The following CCDC73 variants were observed in gnomAD, a reference collection of about 807,000 sequenced individuals.
CCDC73 encodes coiled-coil domain containing 73, also known as coiled-coil domain-containing protein 73.
In CCDC73, 95 loss-of-function variants were observed where a neutral mutation model predicts 116.5. That is an observed-to-expected ratio of 0.82 (90% CI 0.69 to 0.97). The LOEUF (loss-of-function observed/expected upper bound fraction) is 0.97, where lower values mean the gene tolerates loss of function less well. Among genes scored for constraint, CCDC73 ranks in the 50% least tolerant of loss-of-function variants. CCDC73 has a pLI of 0.00. For missense variants in CCDC73, 1,066 were observed against 1,206.8 expected (o/e 0.88, Z 1.73); for synonymous variants, 398 against 401.3 (o/e 0.99, Z 0.10).
intron 2 of CCDC73, among the ~76,000 whole-genome samples, chr11:32,741,655 T>G (rs554125467): frequency 1.6e-3 from 247 of 151,988 alleles, no homozygotes; most frequent in African/African-American, 5.7e-3. Flanking sequence ...ATGTTCTTTA[T>G]GTATTTATAT....
chr11:32,732,060 G>C (rs1381756710), intron 2 of CCDC73, among the ~76,000 whole-genome samples: 2 of 152,200 alleles, frequency 1.3e-5, no homozygotes, highest in Non-Finnish European at 1.5e-5. Flanking sequence ...AGACAGCACA[G>C]AGAAGACCTT....
intron 2 of CCDC73, chr11:32,758,658 G>A (rs1407149429): frequency 7.5e-6 from 2 of 267,526 alleles, no homozygotes; most frequent in South Asian, 3.8e-5. Context: ...AAAAAAAAAC[G>A]CTATTCCTTT....
chr11:32,730,622 G>A (rs1164781290), intron 2 of CCDC73, among the ~76,000 whole-genome samples: 1 of 152,088 alleles, frequency 6.6e-6, no homozygotes, highest in Non-Finnish European at 1.5e-5. Flanking sequence ...GTTCTTCCAT[G>A]ATGTATCTGG....
chr11:32,751,926 T>A (rs571156116), intron 2 of CCDC73, among the ~76,000 whole-genome samples: 7 of 152,226 alleles, frequency 4.6e-5, no homozygotes, highest in Non-Finnish European at 1.0e-4. Flanking sequence ...ATGATCCGGC[T>A]TAGCAAGACA....
chr11:32,751,787 T>A (rs1850289289), intron 2 of CCDC73, among the ~76,000 whole-genome samples: 1 of 152,198 alleles, frequency 6.6e-6, no homozygotes, highest in Non-Finnish European at 1.5e-5. Context: ...TGCTTTTTTG[T>A]GTAGTTGTCA....
At chr11:32,622,126 A>T (rs751005181) in intron 14 of CCDC73, among the ~76,000 whole-genome samples, 2 of 152,250 alleles carry the variant, frequency 1.3e-5, no homozygotes, top group East Asian at 3.8e-4. Flanking sequence ...ATCTAGAACC[A>T]GAAATACCAT....
intron 2 of CCDC73, among the ~76,000 whole-genome samples, chr11:32,739,122 C>G (rs1320694145): frequency 6.6e-6 from 1 of 152,040 alleles, no homozygotes; most frequent in Non-Finnish European, 1.5e-5. Context: ...TGAAGTCAGG[C>G]AATGTGATTC....
chr11:32,754,884 T>C (rs1461350583), intron 2 of CCDC73, among the ~76,000 whole-genome samples: 1 of 136,192 alleles, frequency 7.3e-6, no homozygotes, highest in African/African-American at 3.1e-5. Flanking sequence ...TCAACTTTTT[T>C]TTTTTTTTTT....
chr11:32,710,355 T>C (rs1849888599), intron 3 of CCDC73, among the ~76,000 whole-genome samples: 1 of 152,186 alleles, frequency 6.6e-6, no homozygotes. Flanking sequence ...CCACTTTTGC[T>C]GTATCCCAGA....
At chr11:32,633,017 A>G (rs1855645361) in intron 14 of CCDC73, among the ~76,000 whole-genome samples, 1 of 152,210 alleles carries the variant, frequency 6.6e-6, no homozygotes, top group Non-Finnish European at 1.5e-5. Flanking sequence ...AAATAAATAA[A>G]CATGGGAGAG....
At chr11:32,666,722 G>T (rs559278670) in intron 9 of CCDC73, among the ~76,000 whole-genome samples, 1 of 152,312 alleles carries the variant, frequency 6.6e-6, no homozygotes, top group East Asian at 1.9e-4. Flanking sequence ...TCCTTTGGAG[G>T]GGGAGAGGTA....
chr11:32,754,966 C>A (rs1170112471), intron 2 of CCDC73, among the ~76,000 whole-genome samples: 1 of 144,670 alleles, frequency 6.9e-6, no homozygotes, highest in Non-Finnish European at 1.5e-5. Flanking sequence ...TGGCTCACTG[C>A]AACCTCTGTC....
intron 9 of CCDC73, among the ~76,000 whole-genome samples, chr11:32,674,995 C>A (rs1169907074): frequency 2.0e-5 from 3 of 152,142 alleles, no homozygotes; most frequent in Admixed American, 6.5e-5. Context: ...AAAGCTTTTG[C>A]ACATGCTATT....
intron 3 of CCDC73, among the ~76,000 whole-genome samples, chr11:32,717,077 CA>C (rs990024270): frequency 9.9e-5 from 15 of 152,202 alleles, no homozygotes; most frequent in Non-Finnish European, 2.1e-4. Flanking sequence ...TTTACTCCCA[CA>C]ATCTGCACAA....
Position 32,662,532 on chromosome 11 carries a change from G to GT in CCDC73, c.646-7561dup, listed in dbSNP as rs1554963676. On this transcript the variant is annotated intron_variant, in intron 9 of 17. Coordinates refer to ENST00000335185, the MANE Select transcript of CCDC73 (RefSeq NM_001008391.4). ...CCTTTGCCCACTTTGTGATGGGGTT[G>GT]TTTTTTTTTTCTTCTTGTAAATTTG... Among the ~76,000 whole-genome samples the GT allele has an allele frequency of 5.0e-4, 75 of 148,950 alleles. 1 individual carries two copies. Among genetic ancestry groups the GT allele is most frequent in the Middle Eastern group, 3.4e-3 (1 of 290 alleles).
chr11:32,662,627 T>C (rs984030827), intron 9 of CCDC73, among the ~76,000 whole-genome samples: 2 of 151,726 alleles, frequency 1.3e-5, no homozygotes, highest in Non-Finnish European at 2.9e-5. Context: ...TTTTTTCCCA[T>C]TCTGTAGGTT....
chr11:32,603,070 T>TTA, intron 17 of CCDC73, 50 bp from the exon 18 acceptor site: 1 of 1,448,534 alleles, frequency 6.9e-7, no homozygotes, highest in Non-Finnish European at 9.5e-7. Context: ...ACAAAAGATT[T>TTA]TAAAGAGTCT....
At chr11:32,735,082 T>G (rs1238983100) in intron 2 of CCDC73, among the ~76,000 whole-genome samples, 3 of 152,180 alleles carry the variant, frequency 2.0e-5, no homozygotes, top group African/African-American at 4.8e-5. Flanking sequence ...GGGCAAAAAC[T>G]GAAAGCATTC....
chr11:32,828,244 C>T, the CCDC73 span, among the ~76,000 whole-genome samples: 1 of 152,292 alleles, frequency 6.6e-6, no homozygotes, highest in African/African-American at 2.4e-5. Flanking sequence ...CACAGTGGCT[C>T]ATGCCTGTAA....
Sources: allele counts gnomAD v4.1 joint callset (sites outside exome capture counted in the v4.1 genomes callset), GRCh38; gene constraint gnomAD v4.1.1; transcripts MANE v1.5; gene names NCBI Gene and HGNC (gene_info 2026-07-23, HGNC 2026-07-21).